APOM: variants seen among roughly 807,000 people sequenced by gnomAD.
APOM encodes the protein apolipoprotein M.
A neutral mutation model predicts 23.5 loss-of-function variants in APOM; 24 were observed. The observed-to-expected ratio is 1.02, with a 90% CI of 0.74 to 1.44. The LOEUF is 1.44. Among genes scored for constraint, APOM ranks in the 40% most tolerant of loss-of-function variants. The pLI is 0.00. For missense variants in APOM, 200 were observed against 233.2 expected, an observed-to-expected ratio of 0.86 and a Z score of 0.93; for synonymous variants, 82 against 84.1, an observed-to-expected ratio of 0.97 and a Z score of 0.14.
chr6:31,657,383 G>A lies in APOM; in HGVS notation c.347G>A (p.Arg116His), dbSNP rs746873936. 1.4e-5 allele frequency: 23 copies of A among 1,612,846 alleles called. No homozygotes were observed. Among genetic ancestry groups the A allele is most frequent in the South Asian group, 9.9e-5 (9 of 91,082 alleles). The change falls in exon 4 of 6, where the codon CGC (arginine) becomes CAC (histidine). Residue 116 changes from arginine (R) to histidine (H), a missense_variant. Arg to His is a conservative substitution (Grantham distance 29). Transcript: ENST00000375916. ...CTTCTCCCACCTGCCTTGACAGGCC[G>A]CCCTGACATGAAGACTGAGCTCTTT... ...EGSTDLRTEGRPDMKTELFSS... is the reference protein window; with the variant it reads ...EGSTDLRTEGHPDMKTELFSS...
intron 5 of APOM, 59 bp downstream of exon 5, chr6:31,657,782 A>G: frequency 1.4e-6 from 2 of 1,430,558 alleles, no homozygotes; most frequent in Non-Finnish European, 2.0e-6. Flanking sequence ...CTGGTGTTAC[A>G]GGGTGAAAGA....
Position 31,656,553 on chromosome 6 carries a change from G to A in APOM, c.196G>A (p.Val66Met), listed in dbSNP as rs777849428. 29 of 1,614,036 alleles carry A rather than the reference G, an allele frequency of 1.8e-5. No individual in the cohort carries two copies. The South Asian group carries it at 2.9e-4, about 16-fold the overall frequency. The change falls in exon 2 of 6, where the codon GTG becomes ATG. Residue 66 changes from valine (V) to methionine (M), a missense_variant. Val to Met is a conservative substitution (Grantham distance 21). Transcript: ENST00000375916. Reference protein sequence around the residue: ...TKEELATFDPVDNIVFNMAAG... With the variant: ...TKEELATFDPMDNIVFNMAAG... ...GGAGGAGTTGGCAACTTTTGACCCT[G>A]TGGACAACATTGTCTTCAATATGGC...
In APOM at chr6:31,658,102, T is replaced by A; in HGVS notation, c.*13T>A. On this transcript the variant is annotated 3_prime_UTR_variant, in exon 6 of 6. Transcript: ENST00000375916. ...GTCCAATAACTGACCTGTAACTTCATCTAAGTCCCCAGATGGGTACAATGG... is the reference window on the plus strand; with the variant it reads ...GTCCAATAACTGACCTGTAACTTCAACTAAGTCCCCAGATGGGTACAATGG... 1 of 1,613,970 alleles carries A rather than the reference T, an allele frequency of 6.2e-7. No homozygotes were observed. The highest frequency in any genetic ancestry group is 1.7e-5 in the Admixed American group (1 of 60,030).
rs1215613797 is a variant in APOM, at chr6:31,657,723, G to A, written c.541G>A (p.Glu181Lys). ...KAFLLTPRNQEACELSNN is the reference protein window; with the variant it reads ...KAFLLTPRNQKACELSNN Reference sequence around the variant, plus strand: ...CTTCTTATTGACTCCTAGGAATCAAGGTAAGGGGTTAAAATCTCATAAAAC... The same window carrying A: ...CTTCTTATTGACTCCTAGGAATCAAAGTAAGGGGTTAAAATCTCATAAAAC... Residue 181 changes from glutamate to lysine, a missense_variant and splice_region_variant, in exon 5 of 6, where the codon GAG becomes AAG. By Grantham distance (56) the Glu-to-Lys change is moderately conservative. Transcript: ENST00000375916. 5.6e-6 allele frequency: 9 copies of A among 1,609,362 alleles called. No homozygotes were observed. The highest frequency in any genetic ancestry group is 7.7e-6 in the Non-Finnish European group (9 of 1,176,446).
At chr6:31,656,736 C>T in intron 2 of APOM, 110 bp downstream of exon 2, 1 of 1,363,638 alleles carries the variant, frequency 7.3e-7, no homozygotes, top group East Asian at 2.4e-5. Flanking sequence ...ATGCTTGGCC[C>T]ACGGAATTCA....
In APOM at chr6:31,657,235, C is replaced by T. The variant is rs750522968; in HGVS notation, c.280C>T (p.Leu94Phe). 3 of 1,612,892 alleles carry T rather than the reference C, an allele frequency of 1.9e-6. No individual in the cohort carries two copies. Among genetic ancestry groups the T allele is most frequent in the Admixed American group, 3.3e-5 (2 of 60,012 alleles). The change falls in exon 3 of 6, where the codon CTC becomes TTC. Residue 94 changes from leucine to phenylalanine, a missense_variant. Leu to Phe is a conservative substitution (Grantham distance 22). Transcript: ENST00000375916. ...CCACCACCTCTGCAGGAAAGATGGG[C>T]TCTGTGTGCCCCGGAAATGGATCTA... ...LRATIRMKDG[L>F]CVPRKWIYHL... is the part of the protein sequence containing the mutation.
upstream of APOM, among the ~76,000 whole-genome samples, chr6:31,653,548 C>G (rs1191374379): frequency 6.6e-6 from 1 of 152,176 alleles, no homozygotes; most frequent in Non-Finnish European, 1.5e-5. Flanking sequence ...TTTTAAAAAG[C>G]CTTTTAACGA....
intron 2 of APOM, 39 bp downstream of exon 2, chr6:31,656,665 C>A (rs368239443): frequency 6.9e-6 from 11 of 1,600,378 alleles, no homozygotes; most frequent in Middle Eastern, 1.7e-4. Flanking sequence ...TGGGTTCAGT[C>A]TCTGCCCAAA....
chr6:31,655,884 A>C, upstream of APOM: 1 of 889,946 alleles, frequency 1.1e-6, no homozygotes, highest in Non-Finnish European at 1.8e-6. Flanking sequence ...AACGCAAGGG[A>C]GCTGAAAGCA....
chr6:31,657,286 C>A lies in APOM; in HGVS notation c.331C>A (p.Leu111Ile). Residue 111 changes from leucine (L) to isoleucine (I), a missense_variant, in exon 3 of 6, where the codon CTC (leucine) becomes ATC (isoleucine). Leu to Ile is a conservative substitution (Grantham distance 5). Coordinates refer to ENST00000375916, the MANE Select transcript of APOM (RefSeq NM_019101.3). ...CCACCTGACTGAAGGGAGCACAGATCTCAGAACTGAAGGTTGGTTCTTCCC... is the reference window on the plus strand; with the variant it reads ...CCACCTGACTGAAGGGAGCACAGATATCAGAACTGAAGGTTGGTTCTTCCC... ...IYHLTEGSTD[L>I]RTEGRPDMKT... 6.2e-7 allele frequency: 1 copy of A among 1,613,084 alleles called. No individual in the cohort carries two copies. Among genetic ancestry groups the A allele is most frequent in the Non-Finnish European group, 8.5e-7 (1 of 1,180,034 alleles).
chr6:31,658,056 C>G lies in APOM; in HGVS notation c.542-8C>G. On this transcript the variant is annotated splice_polypyrimidine_tract_variant and splice_region_variant and intron_variant, in intron 5 of 5. Transcript: ENST00000375916. Reference sequence around the variant, plus strand: ...TTCTGTCCTTCTTTTTCCCTCCCCCCATCACAGAGGCCTGTGAGCTGTCCA... The same window carrying G: ...TTCTGTCCTTCTTTTTCCCTCCCCCGATCACAGAGGCCTGTGAGCTGTCCA... 1 of 1,614,100 alleles carries G rather than the reference C, an allele frequency of 6.2e-7. No homozygotes were observed. The highest frequency in any genetic ancestry group is 8.5e-7 in the Non-Finnish European group (1 of 1,179,984).
chr6:31,652,424 C>G (rs1024518981), upstream of APOM: 7 of 152,814 alleles, frequency 4.6e-5, no homozygotes, highest in African/African-American at 1.7e-4. Flanking sequence ...TCCCCCAAAC[C>G]TGCCACCGAC....
At position 31,657,263 on chromosome 6, in the gene APOM, A is replaced by G. The variant is rs1206131690; in HGVS notation, c.308A>G (p.His103Arg). 1 of 1,612,860 alleles carries G rather than the reference A, an allele frequency of 6.2e-7. No individual in the cohort carries two copies. The highest frequency in any genetic ancestry group is 1.3e-5 in the African/African-American group (1 of 74,912). The change falls in exon 3 of 6, where the codon CAC (histidine) becomes CGC (arginine). Residue 103 changes from histidine (H) to arginine (R), a missense_variant. Physicochemically the swap from His to Arg is conservative, Grantham distance 29. Coordinates refer to ENST00000375916, the MANE Select transcript of APOM (RefSeq NM_019101.3). ...GLCVPRKWIY[H>R]LTEGSTDLRT... ...TGTGTGCCCCGGAAATGGATCTACCACCTGACTGAAGGGAGCACAGATCTC... is the reference window on the plus strand; with the variant it reads ...TGTGTGCCCCGGAAATGGATCTACCGCCTGACTGAAGGGAGCACAGATCTC...
At chr6:31,655,672 T>C, upstream of APOM, 1 of 328,380 alleles carries the variant, frequency 3.0e-6, no homozygotes, top group Non-Finnish European at 5.7e-6. Flanking sequence ...CCAGCTCAGA[T>C]ACAGGTTCAA....
At chr6:31,656,917 C>T (rs1332496277) in intron 2 of APOM, among the ~76,000 whole-genome samples, 3 of 152,024 alleles carry the variant, frequency 2.0e-5, no homozygotes, top group African/African-American at 4.8e-5. Flanking sequence ...GAGGCTGAGG[C>T]GGACAGATCA....
At chr6:31,657,087 A>G (rs3117581) in intron 2 of APOM, 138 bp from the exon 3 acceptor site, 64,290 of 756,386 alleles carry the variant, frequency 0.085, 3,913 homozygotes, top group Non-Finnish European at 0.11. Flanking sequence ...CAGAGCTTGC[A>G]GTGAGCCGAG....
chr6:31,657,865 G>A, intron 5 of APOM, 142 bp downstream of exon 5: 1 of 974,524 alleles, frequency 1.0e-6, no homozygotes, highest in East Asian at 2.4e-5. Context: ...GATGGGTTCT[G>A]GGCTACTCAA....
chr6:31,654,977 T>C (rs1311231765), upstream of APOM, among the ~76,000 whole-genome samples: 2 of 152,256 alleles, frequency 1.3e-5, no homozygotes, highest in Non-Finnish European at 2.9e-5. Flanking sequence ...ACAGAGTCTC[T>C]GTCGCCCAAG....
chr6:31,655,893 C>A, upstream of APOM: 1 of 999,176 alleles, frequency 1.0e-6, no homozygotes, highest in Non-Finnish European at 1.5e-6. Flanking sequence ...GAGCTGAAAG[C>A]AGAGTGGACT....
Sources: gnomAD v4.1 joint callset for allele counts (sites outside exome capture counted in the v4.1 genomes callset) on GRCh38, gnomAD v4.1.1 for gene constraint, MANE v1.5 for transcripts, NCBI Gene and HGNC (gene_info 2026-07-23, HGNC 2026-07-21) for gene names.